NEU1: variants seen among roughly 807,000 people sequenced by gnomAD.
NEU1 encodes the protein neuraminidase 1, also known as sialidase-1.
NEU1 carries 32 observed loss-of-function variants against 38.3 expected under a neutral mutation model. That is an observed-to-expected ratio of 0.84 (90% CI 0.63 to 1.12). NEU1 has a LOEUF of 1.12. Among genes scored for constraint, NEU1 ranks in the 50% most tolerant of loss-of-function variants. The probability of loss-of-function intolerance (pLI) is 0.00; values close to 1 mark genes in which losing one functional copy is unlikely to be tolerated. For missense variants in NEU1, 431 were observed against 549.2 expected (o/e 0.78, Z 2.15); for synonymous variants, 192 against 225.2 (o/e 0.85, Z 1.32).
At position 31,860,521 on chromosome 6, in the gene NEU1, G is replaced by A; in HGVS notation, c.716C>T (p.Ser239Phe). 6.2e-7 allele frequency: 1 copy of A among 1,614,120 alleles called. No individual in the cohort carries two copies. The highest frequency in any genetic ancestry group is 8.5e-7 in the Non-Finnish European group (1 of 1,180,030). ...FCLLSDDHGA[S>F]WRYGSGVSGI... ...GCTGACCCCACTTCCGTAGCGCCAG[G>A]AGGCACCATGATCATCGCTGAGGAG... Residue 239 changes from serine to phenylalanine, a missense_variant, in exon 4 of 6, where the codon TCC becomes TTC. Ser to Phe is a radical substitution (Grantham distance 155). Coordinates refer to ENST00000375631, the MANE Select transcript of NEU1 (RefSeq NM_000434.4). This position sits in a 1 kb window ranked among gnomAD's most constrained non-coding sequence, Gnocchi z 4.8.
rs550598216 is a variant in NEU1, at chr6:31,862,727, G to A, written c.50C>T (p.Pro17Leu). 16 of 1,613,028 alleles carry A rather than the reference G, an allele frequency of 9.9e-6. No homozygotes were observed. The African/African-American group carries it at 2.0e-4, about 20-fold the overall frequency. Reference sequence around the variant, plus strand: ...GCCTCCCCAGAAGCCCAGAATCCGCGGCCCCCAGCGTCTGTCCGGGAGCGC... The same window carrying A: ...GCCTCCCCAGAAGCCCAGAATCCGCAGCCCCCAGCGTCTGTCCGGGAGCGC... ...STALPDRRWG[P>L]RILGFWGGCR... Residue 17 changes from proline (P) to leucine (L), a missense_variant, in exon 1 of 6, where the codon CCG becomes CTG. Physicochemically the swap from Pro to Leu is moderately conservative, Grantham distance 98 (BLOSUM62 -3). Transcript: ENST00000375631. This position sits in a 1 kb window ranked among gnomAD's most constrained non-coding sequence, Gnocchi z 6.3.
Position 31,861,173 on chromosome 6 carries a change from T to TAG in NEU1, c.615+14_615+15insCT, listed in dbSNP as rs774418585. 6.2e-7 allele frequency: 1 copy of TAG among 1,611,074 alleles called. No individual in the cohort carries two copies. The highest frequency in any genetic ancestry group is 1.1e-5 in the South Asian group (1 of 91,002). On this transcript the variant is annotated intron_variant, in intron 3 of 5. Coordinates refer to ENST00000375631, the MANE Select transcript of NEU1 (RefSeq NM_000434.4). ...CACAAGGCAGCCCCCTCCACCTATC[T>TAG]CCTAGGACAGAGACCTGAATACCAG... is the stretch of plus-strand genomic sequence containing the variant.
At position 31,859,878 on chromosome 6, in the gene NEU1, T is replaced by C. The variant is rs757684373; in HGVS notation, c.1089A>G (p.Leu363=). 2.0e-5 allele frequency: 32 copies of C among 1,612,958 alleles called. No individual in the cohort carries two copies. The highest frequency in any genetic ancestry group is 1.6e-4 in the Middle Eastern group (1 of 6,084). Residue 363 remains leucine, a synonymous_variant, in exon 6 of 6, where the codon CTA becomes CTG. Transcript: ENST00000375631. ...GTSWRKETVQ[L]WPGPSGYSSL... ...ATGAATAGCCACTGGGGCCTGGCCA[T>C]AGCTGGACTGTCTCTTTCCGCCATG...
chr6:31,862,191 C>G lies in NEU1; in HGVS notation c.160G>C (p.Val54Leu), dbSNP rs1762547799. ...TGCTCCATGGTCACCAGCGGCTGCA[C>G]CTGTCATGGGAGGAGGAAGGGTCAA... ...WSKAENDFGL[V>L]QPLVTMEQLL... Residue 54 changes from valine (V) to leucine (L), a missense_variant and splice_region_variant, in exon 2 of 6, where the codon GTG becomes CTG. Val to Leu is a conservative substitution (Grantham distance 32). Transcript: ENST00000375631. The surrounding 1 kb of genome is among the most constrained non-coding windows in gnomAD (Gnocchi z 6.3). 1 of 1,612,684 alleles carries G rather than the reference C, an allele frequency of 6.2e-7. No homozygotes were observed. The highest frequency in any genetic ancestry group is 1.3e-5 in the African/African-American group (1 of 75,020).
At chr6:31,861,068 C>T in intron 3 of NEU1, 120 bp downstream of exon 3, 1 of 1,452,804 alleles carries the variant, frequency 6.9e-7, no homozygotes, top group Non-Finnish European at 9.5e-7. Flanking sequence ...TTCAAGGAAT[C>T]CCACCCAAGC....
chr6:31,859,981 C>T (rs1319674993), intron 5 of NEU1, 36 bp from the exon 6 acceptor site: 1 of 1,612,604 alleles, frequency 6.2e-7, no homozygotes, highest in Non-Finnish European at 8.5e-7. Flanking sequence ...GAGAGGGTCT[C>T]TGCCCAGGCC....
In NEU1 at chr6:31,859,210, C is replaced by A; in HGVS notation, c.*509G>T. ...GAACCATAGAGACTCTACAAATATTCATTATCCTTCATTAAAAATTTTAAG... is the reference window on the plus strand; with the variant it reads ...GAACCATAGAGACTCTACAAATATTAATTATCCTTCATTAAAAATTTTAAG... On this transcript the variant is annotated 3_prime_UTR_variant, in exon 6 of 6. Transcript: ENST00000375631. 1 of 253,344 alleles carries A rather than the reference C, an allele frequency of 3.9e-6. No homozygotes were observed. The highest frequency in any genetic ancestry group is 7.8e-6 in the Non-Finnish European group (1 of 128,004). 15.7% of individuals were successfully genotyped at this position (253,344 alleles called of 1,614,324 possible).
In NEU1 at chr6:31,859,210, CA is replaced by C. The variant is rs1462114050; in HGVS notation, c.*508del. The stretch of plus-strand genomic sequence containing the variant: ...GAACCATAGAGACTCTACAAATATT[CA>C]TTATCCTTCATTAAAAATTTTAAGT... On this transcript the variant is annotated 3_prime_UTR_variant, in exon 6 of 6. Transcript: ENST00000375631. 5 of 253,226 alleles carry C rather than the reference CA, an allele frequency of 2.0e-5. No individual in the cohort carries two copies. The highest frequency in any genetic ancestry group is 3.1e-5 in the Non-Finnish European group (4 of 128,012). 15.7% of individuals were successfully genotyped at this position (253,226 alleles called of 1,614,324 possible). A position where few individuals can be genotyped will look rare whatever the true frequency, so the allele number is the denominator to read the frequency against.
In NEU1 at chr6:31,861,862, C is replaced by G. The variant is rs1234676417; in HGVS notation, c.352+137G>C. ...CAGATCACTGTCCTAGACACTTGCC[C>G]TTCTCGGGTTCCCTCTACCCCTCAG... On this transcript the variant is annotated intron_variant, in intron 2 of 5. Transcript: ENST00000375631. The G allele has an allele frequency of 3.2e-6, 3 of 944,126 alleles. No individual in the cohort carries two copies. The African/African-American group carries it at 4.8e-5, about 15-fold the overall frequency. The allele number at this position is 944,126 out of a possible 1,614,324, so 58.5% of individuals were successfully genotyped here. A position where few individuals can be genotyped will look rare whatever the true frequency, so the allele number is the denominator to read the frequency against.
chr6:31,860,736 C>T lies in NEU1; in HGVS notation c.616-115G>A. ...CATGTATGGTCCCCTTGAGTTCAGC[C>T]CTTGCTCACTGAGGGTTCCAGTCAG... On this transcript the variant is annotated intron_variant, in intron 3 of 5. Coordinates refer to ENST00000375631, the MANE Select transcript of NEU1 (RefSeq NM_000434.4). This position sits in a 1 kb window ranked among gnomAD's most constrained non-coding sequence, Gnocchi z 4.8. The T allele has an allele frequency of 8.5e-7, 1 of 1,171,562 alleles. No homozygotes were observed. Among genetic ancestry groups the T allele is most frequent in the Non-Finnish European group, 1.3e-6 (1 of 791,940 alleles). The allele number at this position is 1,171,562 out of a possible 1,614,324, so 72.6% of individuals were successfully genotyped here.
In NEU1 at chr6:31,862,753, C is replaced by T. The variant is rs765911393; in HGVS notation, c.24G>A (p.Thr8=). 6.2e-7 allele frequency: 1 copy of T among 1,612,946 alleles called. No homozygotes were observed. Among genetic ancestry groups the T allele is most frequent in the Non-Finnish European group, 8.5e-7 (1 of 1,180,004 alleles). ...GCCCCCAGCGTCTGTCCGGGAGCGC[C>T]GTGCTGGGTCGCTCCCCAGTCATCT... MTGERPS[T]ALPDRRWGPR... The change falls in exon 1 of 6, where the codon ACG becomes ACA. Residue 8 remains threonine, a synonymous_variant. Transcript: ENST00000375631. The surrounding 1 kb of genome is among the most constrained non-coding windows in gnomAD (Gnocchi z 6.3).
In NEU1 at chr6:31,862,643, G is replaced by A. The variant is rs1314031302; in HGVS notation, c.134C>T (p.Ser45Phe). 13 of 1,613,070 alleles carry A rather than the reference G, an allele frequency of 8.1e-6. No individual in the cohort carries two copies. Among genetic ancestry groups the A allele is most frequent in the Non-Finnish European group, 9.3e-6 (11 of 1,180,024 alleles). The change falls in exon 1 of 6, where the codon TCC (serine) becomes TTC (phenylalanine). Residue 45 changes from serine (S) to phenylalanine (F), a missense_variant. Ser to Phe is a radical substitution (Grantham distance 155). Coordinates refer to ENST00000375631, the MANE Select transcript of NEU1 (RefSeq NM_000434.4). The surrounding 1 kb of genome is among the most constrained non-coding windows in gnomAD (Gnocchi z 6.3). ...CAGACCGAAGTCGTTCTCAGCCTTG[G>A]ACCAGGAGGCTGCCAGAGACAGCAG... ...FLLLSLAASW[S>F]KAENDFGLVQ...
In NEU1 at chr6:31,858,647, A is replaced by T. The variant is rs2151542626; in HGVS notation, c.*1072T>A. ...ATTAAATTAAAAAATAAATAAATAA[A>T]AAATAAAAAATATCTTATGGCACTC... On this transcript the variant is annotated 3_prime_UTR_variant, in exon 6 of 6. Coordinates refer to ENST00000375631, the MANE Select transcript of NEU1 (RefSeq NM_000434.4). 1 of 151,646 alleles carries T rather than the reference A, an allele frequency of 6.6e-6. No individual in the cohort carries two copies. Among genetic ancestry groups the T allele is most frequent in the African/African-American group, 2.4e-5 (1 of 41,412 alleles). 9.4% of individuals were successfully genotyped at this position (151,646 alleles called of 1,614,324 possible). A position where few individuals can be genotyped will look rare whatever the true frequency, so the allele number is the denominator to read the frequency against.
At position 31,860,741 on chromosome 6, in the gene NEU1, C is replaced by G. The variant is rs1406503061; in HGVS notation, c.616-120G>C. 1.4e-5 allele frequency: 16 copies of G among 1,108,800 alleles called. No homozygotes were observed. Among genetic ancestry groups the G allele is most frequent in the Non-Finnish European group, 2.2e-5 (16 of 737,510 alleles). The allele number at this position is 1,108,800 out of a possible 1,614,324, so 68.7% of individuals were successfully genotyped here. ...ATGGTCCCCTTGAGTTCAGCCCTTG[C>G]TCACTGAGGGTTCCAGTCAGATCCC... On this transcript the variant is annotated intron_variant, in intron 3 of 5. Coordinates refer to ENST00000375631, the MANE Select transcript of NEU1 (RefSeq NM_000434.4). This position sits in a 1 kb window ranked among gnomAD's most constrained non-coding sequence, Gnocchi z 4.8.
chr6:31,858,191 C>T lies in NEU1; in HGVS notation c.*1528G>A, dbSNP rs909027179. Reference sequence around the variant, plus strand: ...TGTGGATTTTAAAATATCTTACAGGCTGGGTGCAGGGGCTCAAGCCTGTAA... The same window carrying T: ...TGTGGATTTTAAAATATCTTACAGGTTGGGTGCAGGGGCTCAAGCCTGTAA... On this transcript the variant is annotated 3_prime_UTR_variant, in exon 6 of 6. Coordinates refer to ENST00000375631, the MANE Select transcript of NEU1 (RefSeq NM_000434.4). The T allele has an allele frequency of 1.3e-5, 2 of 152,126 alleles. No homozygotes were observed. Among genetic ancestry groups the T allele is most frequent in the African/African-American group, 4.8e-5 (2 of 41,420 alleles). 9.4% of individuals were successfully genotyped at this position (152,126 alleles called of 1,614,324 possible).
chr6:31,861,937 G>A (rs1280052569), intron 2 of NEU1, 62 bp downstream of exon 2: 6 of 1,579,522 alleles, frequency 3.8e-6, no homozygotes, highest in Non-Finnish European at 5.2e-6. Flanking sequence ...GGGCCCTTGG[G>A]CTCATTGGGC....
chr6:31,859,360 G>A lies in NEU1; in HGVS notation c.*359C>T. On this transcript the variant is annotated 3_prime_UTR_variant, in exon 6 of 6. Coordinates refer to ENST00000375631, the MANE Select transcript of NEU1 (RefSeq NM_000434.4). ...GTTATCTTACCGCAACACCAAAGAG[G>A]AGGCTCAGCCTTCCCCAGTTCCCTG... 2.3e-6 allele frequency: 1 copy of A among 435,248 alleles called. No individual in the cohort carries two copies. The highest frequency in any genetic ancestry group is 3.5e-5 in the Admixed American group (1 of 28,596). 27.0% of individuals were successfully genotyped at this position (435,248 alleles called of 1,614,324 possible).
At position 31,860,659 on chromosome 6, in the gene NEU1, C is replaced by T. The variant is rs1241290884; in HGVS notation, c.616-38G>A. On this transcript the variant is annotated intron_variant, in intron 3 of 5. Transcript: ENST00000375631. This position sits in a 1 kb window ranked among gnomAD's most constrained non-coding sequence, Gnocchi z 4.8. The stretch of plus-strand genomic sequence containing the variant: ...GAACTGGGTGTCACAGAAGGAGACT[C>T]TAGGGGCTCAGAGGCAGGGACAGAG... 2.5e-6 allele frequency: 4 copies of T among 1,610,770 alleles called. No homozygotes were observed. In the African/African-American group the frequency reaches 5.3e-5, roughly 22 times the overall value.
intron 2 of NEU1, 91 bp from the exon 3 acceptor site, chr6:31,861,541 A>G: frequency 6.5e-7 from 1 of 1,544,766 alleles, no homozygotes; most frequent in Non-Finnish European, 8.9e-7. Flanking sequence ...TCTGCTAGGG[A>G]CCTCAGGCCT....
Sources: gnomAD v4.1 joint callset for allele counts on GRCh38, gnomAD v4.1.1 for gene constraint, Gnocchi (gnomAD v3.1) non-coding constraint, MANE v1.5 for transcripts, NCBI Gene and HGNC (gene_info 2026-07-23, HGNC 2026-07-21) for gene names.